SHPRH: variants seen among roughly 807,000 people sequenced by gnomAD.
SHPRH encodes E3 ubiquitin-protein ligase SHPRH.
A neutral mutation model predicts 202.5 loss-of-function variants in SHPRH; 106 were observed. That is an observed-to-expected ratio of 0.52 (90% CI 0.45 to 0.62). The LOEUF (loss-of-function observed/expected upper bound fraction) is 0.62, where lower values mean the gene tolerates loss of function less well. Among genes scored for constraint, SHPRH ranks in the 20% least tolerant of loss-of-function variants. The probability of loss-of-function intolerance (pLI) is 0.00; values close to 1 mark genes in which losing one functional copy is unlikely to be tolerated. For missense variants in SHPRH, 1,710 were observed against 2,020.0 expected (o/e 0.85, Z 2.94); for synonymous variants, 729 against 686.0 (o/e 1.06, Z -0.98).
At chr6:145,942,452 T>C (rs1043345814) in intron 9 of SHPRH, among the ~76,000 whole-genome samples, 4 of 152,192 alleles carry the variant, frequency 2.6e-5, no homozygotes, top group Non-Finnish European at 5.9e-5. Context: ...CCACACAGAA[T>C]AGAGCTTCTT....
chr6:145,859,446 T>A (rs895831197), downstream of SHPRH, among the ~76,000 whole-genome samples: 5 of 152,068 alleles, frequency 3.3e-5, no homozygotes, highest in Non-Finnish European at 7.4e-5. Context: ...CATTATTATG[T>A]TCAGAATAAC....
intron 23 of SHPRH, among the ~76,000 whole-genome samples, chr6:145,916,360 T>C (rs9485030): frequency 0.015 from 2,246 of 152,216 alleles, 44 homozygotes; most frequent in African/African-American, 0.05. Context: ...TTTCCAGTTT[T>C]GGATTTGAGA....
chr6:145,883,522 A>G (rs1780742149), downstream of SHPRH: 1 of 152,236 alleles, frequency 6.6e-6, no homozygotes, highest in Admixed American at 6.5e-5. Flanking sequence ...AATTACTTAC[A>G]TAGCCTTCCT....
intron 7 of SHPRH, 96 bp from the exon 8 acceptor site, chr6:145,945,733 G>A: frequency 2.4e-6 from 3 of 1,275,268 alleles, no homozygotes; most frequent in Middle Eastern, 2.9e-4. Context: ...ACTGAGTTAA[G>A]AAAGAAATAA....
chr6:145,863,999 G>T (rs543738581), downstream of SHPRH, among the ~76,000 whole-genome samples: 53 of 152,310 alleles, frequency 3.5e-4, no homozygotes, highest in African/African-American at 1.2e-3. Context: ...TAAGTAATTT[G>T]CATCATGTGA....
At chr6:145,910,237 T>C (rs1783373317) in intron 25 of SHPRH, 1 of 533,610 alleles carries the variant, frequency 1.9e-6, no homozygotes, top group Non-Finnish European at 3.3e-6. Context: ...TGACTATCGC[T>C]AACCATGTTT....
Position 145,922,352 on chromosome 6 carries a change from A to G in SHPRH, c.3720-4T>C, listed in dbSNP as rs1023859297. 4.5e-6 allele frequency: 7 copies of G among 1,553,112 alleles called. No homozygotes were observed. In the African/African-American group the frequency reaches 7.2e-5, roughly 16 times the overall value. On this transcript the variant is annotated splice_region_variant and splice_polypyrimidine_tract_variant and intron_variant, in intron 19 of 29. Coordinates refer to ENST00000275233, the MANE Select transcript of SHPRH (RefSeq NM_001042683.3). ...ATCAGCTTTACAAAAGACACAGCTG[A>G]AAAAAAAGAGATTAACAGAAATATT...
intron 26 of SHPRH, among the ~76,000 whole-genome samples, chr6:145,894,466 GATAA>G (rs1025031942): frequency 2.7e-5 from 4 of 147,206 alleles, no homozygotes; most frequent in Non-Finnish European, 6.0e-5. Flanking sequence ...ATGTAATTAA[GATAA>G]ACAAACAGTA....
intron 1 of SHPRH, among the ~76,000 whole-genome samples, chr6:145,958,838 T>A (rs982323365): frequency 6.6e-6 from 1 of 152,152 alleles, no homozygotes; most frequent in Non-Finnish European, 1.5e-5. Flanking sequence ...CATTTATTTA[T>A]TTATTTATTT....
At chr6:145,858,135 G>A in the SHPRH span, among the ~76,000 whole-genome samples, 631 of 152,126 alleles carry the variant, frequency 4.1e-3, 17 homozygotes, top group East Asian at 0.071. Context: ...AAAACGGTAT[G>A]GAGTTTGGAA....
At chr6:145,901,652 C>T (rs1296257736) in intron 25 of SHPRH, among the ~76,000 whole-genome samples, 5 of 152,082 alleles carry the variant, frequency 3.3e-5, no homozygotes, top group African/African-American at 1.2e-4. Flanking sequence ...GAATGTTATG[C>T]ATTAGGGAAG....
intron 25 of SHPRH, chr6:145,908,546 C>T (rs185628495): frequency 5.9e-5 from 9 of 152,132 alleles, no homozygotes; most frequent in South Asian, 4.1e-4. Flanking sequence ...TTGTTGGCCA[C>T]GTAAATATCT....
intron 25 of SHPRH, among the ~76,000 whole-genome samples, chr6:145,896,037 C>G (rs1304467871): frequency 6.6e-6 from 1 of 151,726 alleles, no homozygotes; most frequent in African/African-American, 2.4e-5. Context: ...CAGCATAAAC[C>G]CTCTCCCTCA....
At position 145,885,102 on chromosome 6, in the gene SHPRH, TGTTTAC is replaced by T. The variant is rs1353221805; in HGVS notation, c.*1583_*1588del. 6.6e-6 allele frequency: 1 copy of T among 152,192 alleles called. No individual in the cohort carries two copies. The highest frequency in any genetic ancestry group is 1.5e-5 in the Non-Finnish European group (1 of 68,024). The allele number at this position is 152,192 out of a possible 1,614,324, so 9.4% of individuals were successfully genotyped here. ...TGGAGTCAGGGGACCTGGGCTCCAC[TGTTTAC>T]TTGCTACATGTCCTAAGAAAGTTTC... On this transcript the variant is annotated 3_prime_UTR_variant, in exon 30 of 30. Transcript: ENST00000275233.
At chr6:145,934,466 C>CAAAA (rs1785834408) in intron 13 of SHPRH, among the ~76,000 whole-genome samples, 4 of 41,460 alleles carry the variant, frequency 9.6e-5, no homozygotes, top group Non-Finnish European at 1.3e-4. Flanking sequence ...AACTCCATCT[C>CAAAA]AAAAAATAAA....
Position 145,955,361 on chromosome 6 carries a change from G to A in SHPRH, c.-32-7C>T. The A allele has an allele frequency of 6.4e-7, 1 of 1,554,142 alleles. No homozygotes were observed. Among genetic ancestry groups the A allele is most frequent in the South Asian group, 1.2e-5 (1 of 83,488 alleles). ...TGGCTGGTAACTGTGAACTCTAGAG[G>A]ACAAATGAAACAACAGGAGGTATAA... On this transcript the variant is annotated splice_polypyrimidine_tract_variant and splice_region_variant and intron_variant, in intron 1 of 29. Transcript: ENST00000275233.
chr6:145,948,985 T>G (rs6916684), intron 4 of SHPRH, among the ~76,000 whole-genome samples: 7 of 152,048 alleles, frequency 4.6e-5, no homozygotes, highest in Non-Finnish European at 1.0e-4. Flanking sequence ...TAATTTTTAA[T>G]TGGCTTCTTT....
chr6:145,888,802 G>A (rs1037961492), intron 28 of SHPRH, among the ~76,000 whole-genome samples: 2 of 152,156 alleles, frequency 1.3e-5, no homozygotes, highest in African/African-American at 4.8e-5. Context: ...AAGGGTGGAT[G>A]CACTATGGTT....
intron 9 of SHPRH, 36 bp from the exon 10 acceptor site, chr6:145,941,910 AGG>A: frequency 6.2e-7 from 1 of 1,603,392 alleles, no homozygotes; most frequent in Non-Finnish European, 8.5e-7. Context: ...TATTGCAAAA[AGG>A]CTCACTAAAG....
Sources: gnomAD v4.1 joint callset for allele counts (sites outside exome capture counted in the v4.1 genomes callset) on GRCh38, gnomAD v4.1.1 for gene constraint, MANE v1.5 for transcripts, NCBI Gene and HGNC (gene_info 2026-07-23, HGNC 2026-07-21) for gene names.